Variants in PRELID2 observed in about 807,000 individuals in gnomAD.
PRELID2 encodes PRELI domain-containing protein 2.
In PRELID2, 25 loss-of-function variants were observed where a neutral mutation model predicts 28.4. That is an observed-to-expected ratio of 0.88 (90% CI 0.64 to 1.23). The LOEUF is 1.23. PRELID2 is among the 50% of genes most tolerant of loss of function. The pLI is 0.00. For missense variants in PRELID2, 201 were observed against 214.4 expected (o/e 0.94, Z 0.39); for synonymous variants, 76 against 71.6 (o/e 1.06, Z -0.31).
intron 3 of PRELID2, chr5:145,819,717 C>T (rs1170219181): frequency 3.4e-6 from 2 of 583,704 alleles, no homozygotes; most frequent in South Asian, 2.3e-5. Context: ...TGCACAATAT[C>T]TCTATGTCCA....
chr5:145,526,745 G>A (rs776829502), intron 1 of PRELID2, among the ~76,000 whole-genome samples: 31 of 152,178 alleles, frequency 2.0e-4, no homozygotes, highest in Admixed American at 2.6e-4. Context: ...TCCAGAAGGC[G>A]TGATCAGAGC....
intron 1 of PRELID2, among the ~76,000 whole-genome samples, chr5:145,613,664 A>C (rs1199081743): frequency 2.0e-5 from 3 of 152,026 alleles, no homozygotes; most frequent in Non-Finnish European, 4.4e-5. Flanking sequence ...CCACTTCTTG[A>C]CAGGATTGTT....
intron 1 of PRELID2, among the ~76,000 whole-genome samples, chr5:145,527,942 C>A (rs539619037): frequency 1.3e-5 from 2 of 152,084 alleles, no homozygotes; most frequent in African/African-American, 2.4e-5. Context: ...CTTCTTCTTG[C>A]CCTGTTGTCC....
At chr5:145,745,838 G>A (rs1021852259) in intron 1 of PRELID2, among the ~76,000 whole-genome samples, 1 of 148,732 alleles carries the variant, frequency 6.7e-6, no homozygotes, top group Non-Finnish European at 1.5e-5. Context: ...CTCCACCCTG[G>A]GTGATAAGAG....
At chr5:145,693,762 A>T (rs2149697414) in intron 1 of PRELID2, among the ~76,000 whole-genome samples, 1 of 152,330 alleles carries the variant, frequency 6.6e-6, no homozygotes, top group South Asian at 2.1e-4. Context: ...TGAAAGAGTG[A>T]GACTCTATCT....
At chr5:145,731,720 A>G (rs1581110145) in intron 1 of PRELID2, among the ~76,000 whole-genome samples, 1 of 152,178 alleles carries the variant, frequency 6.6e-6, no homozygotes, top group Non-Finnish European at 1.5e-5. Context: ...AATCAGAAAT[A>G]CCTGCGCCTC....
chr5:145,448,245 T>C, the PRELID2 span, among the ~76,000 whole-genome samples: 6 of 151,930 alleles, frequency 3.9e-5, no homozygotes, highest in African/African-American at 1.5e-4. Flanking sequence ...TTTTTTCATG[T>C]GTTTTTTGGC....
At chr5:145,787,554 T>TA (rs924402476) in intron 5 of PRELID2, among the ~76,000 whole-genome samples, 3 of 151,550 alleles carry the variant, frequency 2.0e-5, no homozygotes, top group Admixed American at 1.3e-4. Context: ...ACAATTTTTT[T>TA]TTTTTTGACA....
chr5:145,778,217 C>G (rs1758539393), intron 5 of PRELID2, among the ~76,000 whole-genome samples: 1 of 152,178 alleles, frequency 6.6e-6, no homozygotes, highest in South Asian at 2.1e-4. Context: ...ACTCCAGGGC[C>G]TCCTCTCTGC....
In PRELID2 at chr5:145,741,553, TATTTATATATAAAATTTATTTATAAATA is replaced by T. The variant is rs1561568019; in HGVS notation, n.70+23350_70+23377del. ...ATATAAAATTTATTTATAAATAATT[TATTTATATATAAAATTTATTTATAAATA>T]ATTTATATATAAAATTTATTTATAA... is the stretch of plus-strand genomic sequence containing the variant. On this transcript the variant is annotated intron_variant and non_coding_transcript_variant, in intron 1 of 2. Coordinates refer to the PRELID2 transcript ENST00000510259. Among the ~76,000 whole-genome samples the T allele has an allele frequency of 2.5e-4, 26 of 104,046 alleles. 3 individuals are homozygous for T. Among genetic ancestry groups the T allele is most frequent in the African/African-American group, 1.2e-3 (25 of 21,676 alleles). 68.3% of individuals were successfully genotyped at this position (104,046 alleles called of 152,430 possible).
chr5:145,312,749 C>G, the PRELID2 span, among the ~76,000 whole-genome samples: 1 of 151,890 alleles, frequency 6.6e-6, no homozygotes, highest in Non-Finnish European at 1.5e-5. Context: ...TTTTCTTTAT[C>G]CATTCATCTA....
intron 5 of PRELID2, among the ~76,000 whole-genome samples, chr5:145,782,192 T>C (rs953423422): frequency 6.6e-6 from 1 of 152,206 alleles, no homozygotes; most frequent in Non-Finnish European, 1.5e-5. Context: ...CCAGTGCTGA[T>C]AGAGACAAGC....
the PRELID2 span, among the ~76,000 whole-genome samples, chr5:145,347,152 T>C: frequency 6.6e-6 from 1 of 152,152 alleles, no homozygotes; most frequent in Non-Finnish European, 1.5e-5. Context: ...AAGAAACTTC[T>C]GCACAGAAGG....
the PRELID2 span, among the ~76,000 whole-genome samples, chr5:145,425,622 G>A: frequency 3.3e-5 from 5 of 152,092 alleles, no homozygotes; most frequent in African/African-American, 1.2e-4. Flanking sequence ...GGATGGAGCT[G>A]GAAGCCATTA....
chr5:145,373,852 ATAT>A, the PRELID2 span, among the ~76,000 whole-genome samples: 10 of 88,566 alleles, frequency 1.1e-4, no homozygotes, highest in Non-Finnish European at 1.7e-4. Context: ...AATATATATG[ATAT>A]TATATATTAC....
intron 1 of PRELID2, among the ~76,000 whole-genome samples, chr5:145,685,224 G>A (rs951840400): frequency 1.3e-5 from 2 of 152,028 alleles, no homozygotes; most frequent in African/African-American, 4.8e-5. Flanking sequence ...CCCCACTTAT[G>A]TGGCTTCAGT....
chr5:145,245,693 C>G, the PRELID2 span, among the ~76,000 whole-genome samples: 1 of 151,970 alleles, frequency 6.6e-6, no homozygotes, highest in East Asian at 1.9e-4. Context: ...TCAAAAGAAA[C>G]GGAAGTTCAG....
the PRELID2 span, among the ~76,000 whole-genome samples, chr5:145,454,443 A>G: frequency 3.9e-5 from 6 of 152,282 alleles, no homozygotes; most frequent in Middle Eastern, 3.4e-3. Context: ...AATTAGGCAG[A>G]AGAAGGAAAT....
intron 1 of PRELID2, among the ~76,000 whole-genome samples, chr5:145,574,032 T>C (rs910154415): frequency 6.6e-6 from 1 of 152,210 alleles, no homozygotes; most frequent in Non-Finnish European, 1.5e-5. Flanking sequence ...ATTAATGTTA[T>C]TAATCAGCTG....
Sources: gnomAD v4.1 joint callset for allele counts (sites outside exome capture counted in the v4.1 genomes callset) on GRCh38, gnomAD v4.1.1 for gene constraint, MANE v1.5 for transcripts, NCBI Gene and HGNC (gene_info 2026-07-23, HGNC 2026-07-21) for gene names.